Variants in CFAP61 observed in about 807,000 individuals in gnomAD.
CFAP61 encodes the protein cilia- and flagella-associated protein 61.
In CFAP61, 107 loss-of-function variants were observed where a neutral mutation model predicts 135.6. The ratio of observed to expected loss-of-function variants is 0.79; its 90% CI spans 0.67 to 0.93. The LOEUF (loss-of-function observed/expected upper bound fraction) is 0.93, where lower values mean the gene tolerates loss of function less well. Ranked by LOEUF, CFAP61 falls within the 40% of genes least tolerant of loss-of-function variation. The pLI is 0.00. For missense variants in CFAP61, 1,507 were observed against 1,556.2 expected (o/e 0.97, Z 0.53); for synonymous variants, 575 against 578.5 (o/e 0.99, Z 0.09).
chr20:20,195,422 C>T (rs189211764), intron 15 of CFAP61, among the ~76,000 whole-genome samples: 124 of 152,298 alleles, frequency 8.1e-4, no homozygotes, highest in Non-Finnish European at 1.4e-3. Context: ...ATTTTGGGTG[C>T]GTTTACTGCT....
At chr20:20,311,809 G>A (rs1287387902) in intron 25 of CFAP61, among the ~76,000 whole-genome samples, 2 of 152,124 alleles carry the variant, frequency 1.3e-5, no homozygotes, top group Non-Finnish European at 2.9e-5. Context: ...CCACTCTAAA[G>A]GATTAGAAAA....
At chr20:20,284,506 C>T (rs1289547689) in intron 22 of CFAP61, among the ~76,000 whole-genome samples, 2 of 151,960 alleles carry the variant, frequency 1.3e-5, no homozygotes, top group Non-Finnish European at 2.9e-5. Context: ...AGGATGGTCT[C>T]GATCTCCTGA....
intron 25 of CFAP61, among the ~76,000 whole-genome samples, chr20:20,339,447 C>T (rs2058355045): frequency 6.6e-6 from 1 of 151,866 alleles, no homozygotes; most frequent in South Asian, 2.1e-4. Context: ...TGGGGGAGGT[C>T]TAAAACTTTT....
chr20:20,321,181 G>GT (rs1384444458), intron 25 of CFAP61, among the ~76,000 whole-genome samples: 1 of 151,564 alleles, frequency 6.6e-6, no homozygotes, highest in Admixed American at 6.6e-5. Context: ...AGAAGTGAGG[G>GT]TTTGTGTTTT....
chr20:20,079,612 G>A (rs151219969), intron 6 of CFAP61, among the ~76,000 whole-genome samples: 257 of 152,156 alleles, frequency 1.7e-3, no homozygotes, highest in African/African-American at 5.4e-3. Flanking sequence ...TCTGAGAGCG[G>A]GGCAGCATGT....
intron 20 of CFAP61, among the ~76,000 whole-genome samples, chr20:20,261,955 G>T (rs1316279577): frequency 6.6e-6 from 1 of 152,208 alleles, no homozygotes; most frequent in Non-Finnish European, 1.5e-5. Context: ...GAGAAAGATG[G>T]AGGGGAATAA....
At chr20:20,320,010 T>A (rs997812940) in intron 25 of CFAP61, among the ~76,000 whole-genome samples, 1 of 151,634 alleles carries the variant, frequency 6.6e-6, no homozygotes, top group African/African-American at 2.4e-5. Context: ...ACCGAGAGGA[T>A]AGAGGAACAT....
chr20:20,328,745 A>C (rs2057858890), intron 25 of CFAP61, among the ~76,000 whole-genome samples: 1 of 152,350 alleles, frequency 6.6e-6, no homozygotes, highest in Non-Finnish European at 1.5e-5. Context: ...AATTTTTCAA[A>C]GAAGACATAT....
At chr20:20,214,999 G>C (rs1162849707) in intron 17 of CFAP61, 1 of 152,278 alleles carries the variant, frequency 6.6e-6, no homozygotes, top group Non-Finnish European at 1.5e-5. Context: ...GACACTGACA[G>C]AGAAATCTCT....
Position 20,075,191 on chromosome 20 carries a change from C to T in CFAP61, c.374C>T (p.Thr125Ile). 1 of 1,614,028 alleles carries T rather than the reference C, an allele frequency of 6.2e-7. No homozygotes were observed. Among genetic ancestry groups the T allele is most frequent in the Non-Finnish European group, 8.5e-7 (1 of 1,179,920 alleles). ...CCCACCCTCTCTTTCCTCACCAGAA[C>T]CGTGTATAAGGCAGTGCCAGAGCTG... ...SVGCCKEILR[T>I]VYKAVPELHF... Residue 125 changes from threonine to isoleucine, a missense_variant and splice_region_variant, in exon 5 of 27, where the codon ACC (threonine) becomes ATC (isoleucine). By Grantham distance (89) the Thr-to-Ile change is moderately conservative. Transcript: ENST00000245957.
chr20:20,119,430 C>T (rs2049437411), intron 8 of CFAP61, among the ~76,000 whole-genome samples: 1 of 151,976 alleles, frequency 6.6e-6, no homozygotes, highest in African/African-American at 2.4e-5. Flanking sequence ...CTCGAATGAT[C>T]CTTTGTATTT....
At chr20:20,104,332 C>G (rs990083324) in intron 8 of CFAP61, among the ~76,000 whole-genome samples, 1 of 151,848 alleles carries the variant, frequency 6.6e-6, no homozygotes, top group Non-Finnish European at 1.5e-5. Context: ...TTATTGAACT[C>G]ACATTTGCTT....
intron 26 of CFAP61, among the ~76,000 whole-genome samples, chr20:20,350,436 C>G (rs2058792098): frequency 6.6e-6 from 1 of 152,222 alleles, no homozygotes; most frequent in Admixed American, 6.5e-5. Flanking sequence ...CAAGACCAGC[C>G]TGGCCAACGT....
intron 26 of CFAP61, among the ~76,000 whole-genome samples, chr20:20,357,951 C>T (rs1457688807): frequency 3.6e-4 from 28 of 76,924 alleles, no homozygotes; most frequent in Admixed American, 4.3e-4. Flanking sequence ...GGTGGTCACA[C>T]TGAGGGGAGG....
intron 26 of CFAP61, among the ~76,000 whole-genome samples, chr20:20,345,904 T>TTC (rs1203438270): frequency 1.5e-5 from 2 of 135,786 alleles, no homozygotes; most frequent in East Asian, 4.4e-4. Flanking sequence ...TTTTTTTTTT[T>TTC]TTTTTTTTGA....
chr20:20,322,085 G>T (rs1045886235), intron 25 of CFAP61, among the ~76,000 whole-genome samples: 1 of 152,188 alleles, frequency 6.6e-6, no homozygotes, highest in Admixed American at 6.5e-5. Flanking sequence ...TGTCCCAGCT[G>T]AGCCAAGCCT....
chr20:20,178,450 C>T lies in CFAP61; in HGVS notation c.1385+8990C>T, dbSNP rs143662063. ...TTTATTCATTAGCAGAGAACATATTCAGGTGAACTGGTTGCCCACTCCATC... is the reference window on the plus strand; with the variant it reads ...TTTATTCATTAGCAGAGAACATATTTAGGTGAACTGGTTGCCCACTCCATC... On this transcript the variant is annotated intron_variant, in intron 13 of 26. Transcript: ENST00000245957. Among the ~76,000 whole-genome samples, 47 of 152,306 alleles carry T rather than the reference C, an allele frequency of 3.1e-4. 1 individual carries two copies. The East Asian group carries it at 8.7e-3, about 28-fold the overall frequency.
chr20:20,191,329 C>T lies in CFAP61; in HGVS notation c.1513-13C>T. The T allele has an allele frequency of 3.1e-6, 5 of 1,610,068 alleles. No individual in the cohort carries two copies. Among genetic ancestry groups the T allele is most frequent in the Non-Finnish European group, 4.2e-6 (5 of 1,177,060 alleles). On this transcript the variant is annotated splice_polypyrimidine_tract_variant and intron_variant, in intron 14 of 26. Coordinates refer to ENST00000245957, the MANE Select transcript of CFAP61 (RefSeq NM_015585.4). ...ATTTTTAAGGGTCTTAAAATATATG[C>T]TTATCTTTTCAGGATGGAACACTGC...
intron 6 of CFAP61, 131 bp from the exon 7 acceptor site, chr20:20,090,712 AG>A: frequency 2.7e-5 from 15 of 565,220 alleles, no homozygotes; most frequent in South Asian, 1.1e-4. Flanking sequence ...AAAAAAAAAA[AG>A]AAGGAAAGTT....
Sources: gnomAD v4.1 joint callset for allele counts (sites outside exome capture counted in the v4.1 genomes callset) on GRCh38, gnomAD v4.1.1 for gene constraint, MANE v1.5 for transcripts, NCBI Gene and HGNC (gene_info 2026-07-23, HGNC 2026-07-21) for gene names.